TFAP4: variants seen among roughly 807,000 people sequenced by gnomAD.
TFAP4 encodes transcription factor AP-4.
TFAP4 carries 7 observed loss-of-function variants against 40.4 expected under a neutral mutation model. That is an observed-to-expected ratio of 0.17 (90% confidence interval 0.10 to 0.33). The LOEUF (loss-of-function observed/expected upper bound fraction) is 0.33. TFAP4 is among the 10% of genes least tolerant of loss of function. TFAP4 has a pLI of 1.00. For missense variants in TFAP4, 374 were observed against 451.1 expected, an observed-to-expected ratio of 0.83 and a Z score of 1.55; for synonymous variants, 218 against 181.4, an observed-to-expected ratio of 1.20 and a Z score of -1.62.
At chr16:4,261,299 A>G (rs2052945417) in intron 4 of TFAP4, among the ~76,000 whole-genome samples, 1 of 146,876 alleles carries the variant, frequency 6.8e-6, no homozygotes, top group Admixed American at 6.8e-5. Flanking sequence ...TTTTTTTTTG[A>G]GATGGAGTCT....
chr16:4,262,752 C>G lies in TFAP4; in HGVS notation c.90-51G>C, dbSNP rs575622232. The G allele has an allele frequency of 3.2e-6, 5 of 1,584,674 alleles. No homozygotes were observed. In the South Asian group the frequency reaches 5.6e-5, roughly 18 times the overall value. ...CGGCCAAGGCGCCCTCTTCATCATT[C>G]ATCTCCAGAGGGCCCCAGTGGAAAC... On this transcript the variant is annotated intron_variant, in intron 1 of 6. Transcript: ENST00000204517.
At chr16:4,259,352 C>T (rs931888669) in intron 6 of TFAP4, among the ~76,000 whole-genome samples, 2 of 152,000 alleles carry the variant, frequency 1.3e-5, no homozygotes, top group Non-Finnish European at 2.9e-5. Context: ...CCAGGCTGGT[C>T]TCGAACTCCT....
intron 1 of TFAP4, among the ~76,000 whole-genome samples, chr16:4,271,296 C>A (rs772376911): frequency 5.9e-5 from 9 of 152,366 alleles, no homozygotes; most frequent in Non-Finnish European, 8.8e-5. Context: ...GCCTGTGCCA[C>A]ACCGGCGGGC....
chr16:4,267,178 G>A lies in TFAP4; in HGVS notation c.90-4477C>T, dbSNP rs181528751. ...CCTCCCGAGTAGCTGGGATTACAGG[G>A]ACCCACCACCACGCCCGGCTAATTT... On this transcript the variant is annotated intron_variant, in intron 1 of 6. Transcript: ENST00000204517. 2.9e-3 allele frequency: 440 copies of A among 152,412 alleles called. 5 individuals are homozygous for A. In the Middle Eastern group the frequency reaches 0.03, roughly 10 times the overall value. 9.4% of individuals were successfully genotyped at this position (152,412 alleles called of 1,614,324 possible).
intron 1 of TFAP4, chr16:4,264,828 G>T (rs1397441753): frequency 6.6e-6 from 1 of 152,398 alleles, no homozygotes; most frequent in African/African-American, 2.4e-5. Flanking sequence ...TTAAAGCTGG[G>T]GCTCTTTGGA....
chr16:4,260,111 T>C lies in TFAP4; in HGVS notation c.801A>G (p.Gln267=). Residue 267 remains glutamine, a synonymous_variant, in exon 6 of 7, where the codon CAA becomes CAG. Transcript: ENST00000204517. ...SVINSVSTSR[Q]NLDTIVQAIQ... is the part of the protein sequence containing the mutation. ...GTACCTGCACGATGGTGTCCAGATT[T>C]TGCCGGGATGTGGAAACAGAGTTGA... The C allele has an allele frequency of 6.2e-7, 1 of 1,611,128 alleles. No homozygotes were observed. Among genetic ancestry groups the C allele is most frequent in the Non-Finnish European group, 8.5e-7 (1 of 1,179,076 alleles).
chr16:4,272,619 C>T (rs748485805), intron 1 of TFAP4, 39 bp downstream of exon 1: 2 of 1,524,818 alleles, frequency 1.3e-6, no homozygotes, highest in Non-Finnish European at 1.8e-6. Flanking sequence ...CCGGGGGCTG[C>T]AGTGGTAGGA....
intron 1 of TFAP4, among the ~76,000 whole-genome samples, chr16:4,271,767 G>A (rs1344970059): frequency 6.6e-6 from 1 of 152,156 alleles, no homozygotes; most frequent in African/African-American, 2.4e-5. Context: ...GCGAGGCTAG[G>A]GGCGGCCTCA....
At chr16:4,260,379 G>T (rs2052936025) in intron 5 of TFAP4, 76 bp downstream of exon 5, 1 of 1,514,602 alleles carries the variant, frequency 6.6e-7, no homozygotes, top group Non-Finnish European at 8.8e-7. Flanking sequence ...GTGGCCTAGG[G>T]AGAGGCTTCC....
intron 1 of TFAP4, 115 bp from the exon 2 acceptor site, chr16:4,262,816 C>T (rs1194502841): frequency 8.2e-7 from 1 of 1,223,664 alleles, no homozygotes; most frequent in African/African-American, 1.5e-5. Context: ...CAGGCCACCC[C>T]CAGAGAGTGA....
intron 3 of TFAP4, 102 bp downstream of exon 3, chr16:4,262,222 T>C: frequency 7.5e-7 from 1 of 1,340,694 alleles, no homozygotes; most frequent in East Asian, 2.3e-5. Context: ...TACTTGTCAG[T>C]GGGCAAGAAG....
At chr16:4,271,605 C>T (rs961541631) in intron 1 of TFAP4, among the ~76,000 whole-genome samples, 1 of 152,190 alleles carries the variant, frequency 6.6e-6, no homozygotes, top group African/African-American at 2.4e-5. Context: ...CAACCTAGGA[C>T]CAAAGCTTGC....
intron 3 of TFAP4, 130 bp downstream of exon 3, chr16:4,262,193 GA>G (rs538450530): frequency 5.1e-5 from 58 of 1,145,476 alleles, no homozygotes; most frequent in Non-Finnish European, 6.4e-5. Context: ...GCCGGGGCAG[GA>G]AAAAAAGTGC....
chr16:4,257,323 AAAAAG>A lies in TFAP4; in HGVS notation c.*727_*731del, dbSNP rs1246764104. 6.6e-5 allele frequency: 10 copies of A among 151,534 alleles called. No individual in the cohort carries two copies. Among genetic ancestry groups the A allele is most frequent in the African/African-American group, 1.2e-4 (5 of 41,240 alleles). The allele number at this position is 151,534 out of a possible 1,614,324, so 9.4% of individuals were successfully genotyped here. A position where few individuals can be genotyped will look rare whatever the true frequency, so the allele number is the denominator to read the frequency against. ...GACCTCAAAATTGTAAAAAAAAAAA[AAAAAG>A]AAAGAAAAAAAAGAAAAACAAAACA... On this transcript the variant is annotated 3_prime_UTR_variant, in exon 7 of 7. Transcript: ENST00000204517.
At chr16:4,269,492 CAA>C (rs60856578) in intron 1 of TFAP4, among the ~76,000 whole-genome samples, 2 of 43,214 alleles carry the variant, frequency 4.6e-5, no homozygotes. Flanking sequence ...GACTCTGCCT[CAA>C]AAAAAAAAAA....
At position 4,257,743 on chromosome 16, in the gene TFAP4, T is replaced by C. The variant is rs890738589; in HGVS notation, c.*312A>G. The C allele has an allele frequency of 7.3e-6, 2 of 272,644 alleles. No individual in the cohort carries two copies. Among genetic ancestry groups the C allele is most frequent in the Admixed American group, 4.9e-5 (1 of 20,346 alleles). 16.9% of individuals were successfully genotyped at this position (272,644 alleles called of 1,614,324 possible). A position where few individuals can be genotyped will look rare whatever the true frequency, so the allele number is the denominator to read the frequency against. ...ATTTTCCCTGTTCTTAAAAAACATA[T>C]TTAAAGGAAAAAATGCTTTTTGGCA... On this transcript the variant is annotated 3_prime_UTR_variant, in exon 7 of 7. Transcript: ENST00000204517.
chr16:4,258,200 T>C lies in TFAP4; in HGVS notation c.872A>G (p.Glu291Gly), dbSNP rs759904959. 1 of 1,610,524 alleles carries C rather than the reference T, an allele frequency of 6.2e-7. No homozygotes were observed. The highest frequency in any genetic ancestry group is 8.5e-7 in the Non-Finnish European group (1 of 1,177,474). The change falls in exon 7 of 7, where the codon GAG (glutamate) becomes GGG (glycine). Residue 291 changes from glutamate to glycine, a missense_variant. Glu to Gly is a moderately conservative substitution (Grantham distance 98, BLOSUM62 -2). Coordinates refer to ENST00000204517, the MANE Select transcript of TFAP4 (RefSeq NM_003223.3). ...GTQEKQELEE[E>G]QRRAVIVKPV... ...CTTCACGATGACAGCTCGCCGCTGC[T>C]CCTCCTCCAGCTCCTGCTTTTCCTG...
intron 4 of TFAP4, 91 bp downstream of exon 4, chr16:4,261,688 G>T: frequency 1.4e-6 from 2 of 1,387,196 alleles, no homozygotes; most frequent in Non-Finnish European, 9.5e-7. Context: ...TGTAAATAGG[G>T]CTCCACCGAG....
intron 6 of TFAP4, chr16:4,258,527 G>T: frequency 3.3e-6 from 1 of 306,268 alleles, no homozygotes; most frequent in South Asian, 9.3e-5. Flanking sequence ...TCCTCCTACT[G>T]CTCCCTCCCT....
Sources: allele counts gnomAD v4.1 joint callset (sites outside exome capture counted in the v4.1 genomes callset), GRCh38; gene constraint gnomAD v4.1.1; transcripts MANE v1.5; gene names NCBI Gene and HGNC (gene_info 2026-07-23, HGNC 2026-07-21).